PRSS56: variants seen among roughly 807,000 people sequenced by gnomAD.
The protein encoded by PRSS56 is serine protease 56.
PRSS56 carries 55 observed loss-of-function variants against 66.8 expected under a neutral mutation model. The observed-to-expected ratio is 0.82, with a 90% CI of 0.66 to 1.03. The LOEUF (loss-of-function observed/expected upper bound fraction) is 1.03. Among genes scored for constraint, PRSS56 ranks in the 50% least tolerant of loss-of-function variants. The pLI is 0.00. For missense variants in PRSS56, 869 were observed against 837.2 expected, an observed-to-expected ratio of 1.04 and a Z score of -0.47; for synonymous variants, 409 against 387.9, an observed-to-expected ratio of 1.05 and a Z score of -0.64.
Position 232,521,824 on chromosome 2 carries a change from CG to C in PRSS56, c.215del (p.Arg72ProfsTer27). On this transcript the variant is annotated frameshift_variant, in exon 3 of 13. Coordinates refer to ENST00000617714, the MANE Select transcript of PRSS56 (RefSeq NM_001195129.2). LOFTEE classifies it high-confidence loss of function. ...HRSHECRGSG[R>X]PRPQALLQDP... ...GGTCTGTTTCTCTGCAGGATCTGGGCGCCCCAGGCCTCAAGCTCTCCTCCAG... is the reference window on the plus strand; with the variant it reads ...GGTCTGTTTCTCTGCAGGATCTGGGCCCCCAGGCCTCAAGCTCTCCTCCAG... The C allele has an allele frequency of 6.5e-7, 1 of 1,536,008 alleles. No homozygotes were observed. The highest frequency in any genetic ancestry group is 2.0e-5 in the Admixed American group (1 of 51,002).
Position 232,522,060 on chromosome 2 carries a change from T to C in PRSS56, c.346T>C (p.Trp116Arg). The change falls in exon 4 of 13, where the codon TGG (tryptophan) becomes CGG (arginine). Residue 116 changes from tryptophan (W) to arginine (R), a missense_variant. Physicochemically the swap from Trp to Arg is moderately radical, Grantham distance 101 (BLOSUM62 -3). Transcript: ENST00000617714. ...GGGCAGCGCGGCGCCGCCCGGGGCC[T>C]GGCCCTGGCTGGTGAGGCTGCAGCT... is the stretch of plus-strand genomic sequence containing the variant. Reference protein sequence around the residue: ...VGGSAAPPGAWPWLVRLQLGG... With the variant: ...VGGSAAPPGARPWLVRLQLGG... 1 of 1,510,096 alleles carries C rather than the reference T, an allele frequency of 6.6e-7. No homozygotes were observed. The highest frequency in any genetic ancestry group is 1.2e-5 in the South Asian group (1 of 81,354). The allele number at this position is 1,510,096 out of a possible 1,614,324, so 93.5% of individuals were successfully genotyped here. A position where few individuals can be genotyped will look rare whatever the true frequency, so the allele number is the denominator to read the frequency against.
At position 232,523,584 on chromosome 2, in the gene PRSS56, C is replaced by G; in HGVS notation, c.1012+6C>G. 2 of 1,518,354 alleles carry G rather than the reference C, an allele frequency of 1.3e-6. No homozygotes were observed. Among genetic ancestry groups the G allele is most frequent in the Non-Finnish European group, 1.8e-6 (2 of 1,139,266 alleles). The allele number at this position is 1,518,354 out of a possible 1,614,324, so 94.1% of individuals were successfully genotyped here. ...GCTCCAGGAGCAGATGAGCGGTGAG[C>G]GCCCTCTTTCCAATGCCCCGTCCCC... is the stretch of plus-strand genomic sequence containing the variant. On this transcript the variant is annotated splice_donor_region_variant and intron_variant, in intron 8 of 12. Transcript: ENST00000617714.
At chr2:232,523,620 CGGACAACCGTG>C (rs1691334074) in intron 8 of PRSS56, 42 bp downstream of exon 8, 1 of 1,503,522 alleles carries the variant, frequency 6.7e-7, no homozygotes, top group African/African-American at 1.4e-5. Flanking sequence ...AGTGCCCCAA[CGGACAACCGTG>C]GGACAAGCCC....
At position 232,523,539 on chromosome 2, in the gene PRSS56, G is replaced by T; in HGVS notation, c.973G>T (p.Val325Leu). ...AGGGAAGCCCGGGGTCTACACCCGC[G>T]TGGCAGTGTTCAAGGACTGGCTCCA... ...EPGKPGVYTRVAVFKDWLQEQ... is the reference protein window; with the variant it reads ...EPGKPGVYTRLAVFKDWLQEQ... The change falls in exon 8 of 13, where the codon GTG (valine) becomes TTG (leucine). Residue 325 changes from valine (V) to leucine (L), a missense_variant. Around this residue, in one of 3 missense-constraint regions of PRSS56, gnomAD observed 551 missense variants for 506.9 expected, o/e 1.09. Coordinates refer to ENST00000617714, the MANE Select transcript of PRSS56 (RefSeq NM_001195129.2). 6.5e-7 allele frequency: 1 copy of T among 1,532,438 alleles called. No individual in the cohort carries two copies. The highest frequency in any genetic ancestry group is 2.4e-5 in the East Asian group (1 of 40,898). The allele number at this position is 1,532,438 out of a possible 1,614,324, so 94.9% of individuals were successfully genotyped here.
intron 5 of PRSS56, 39 bp downstream of exon 5, chr2:232,522,653 G>C (rs1326016415): frequency 1.3e-6 from 2 of 1,531,742 alleles, no homozygotes; most frequent in East Asian, 4.9e-5. Context: ...GCTGGGCACC[G>C]CACCCCCACC....
At position 232,525,536 on chromosome 2, in the gene PRSS56, G is replaced by A. The variant is rs1446688481; in HGVS notation, c.*30G>A. ...TGTCTGGGCCCCCAGCCCCTGGGGA[G>A]GACCTACTGCTCCCAGGGGCTGAGA... On this transcript the variant is annotated 3_prime_UTR_variant, in exon 13 of 13. Transcript: ENST00000617714. 6 of 1,431,252 alleles carry A rather than the reference G, an allele frequency of 4.2e-6. No individual in the cohort carries two copies. In the South Asian group the frequency reaches 5.8e-5, roughly 14 times the overall value. 88.7% of individuals were successfully genotyped at this position (1,431,252 alleles called of 1,614,324 possible).
At chr2:232,524,416 C>A in intron 11 of PRSS56, 47 bp downstream of exon 11, 1 of 1,513,732 alleles carries the variant, frequency 6.6e-7, no homozygotes, top group East Asian at 2.5e-5. Context: ...GGCTGAGGGC[C>A]TGGACGAGGT....
chr2:232,525,540 C>T lies in PRSS56; in HGVS notation c.*34C>T, dbSNP rs539696668. ...TGGGCCCCCAGCCCCTGGGGAGGACCTACTGCTCCCAGGGGCTGAGAGGGG... is the reference window on the plus strand; with the variant it reads ...TGGGCCCCCAGCCCCTGGGGAGGACTTACTGCTCCCAGGGGCTGAGAGGGG... On this transcript the variant is annotated 3_prime_UTR_variant, in exon 13 of 13. Transcript: ENST00000617714. 24 of 1,351,908 alleles carry T rather than the reference C, an allele frequency of 1.8e-5. No homozygotes were observed. The Admixed American group carries it at 2.7e-4, about 15-fold the overall frequency. 83.7% of individuals were successfully genotyped at this position (1,351,908 alleles called of 1,614,324 possible). A position where few individuals can be genotyped will look rare whatever the true frequency, so the allele number is the denominator to read the frequency against.
chr2:232,522,221 C>A (rs557610373), intron 4 of PRSS56, 61 bp downstream of exon 4: 1 of 1,340,276 alleles, frequency 7.5e-7, no homozygotes, highest in African/African-American at 1.5e-5. Context: ...CCGCACCTGC[C>A]GGGTTGTCCG....
Position 232,522,502 on chromosome 2 carries a change from G to T in PRSS56, c.447-13G>T. On this transcript the variant is annotated splice_polypyrimidine_tract_variant and intron_variant, in intron 4 of 12. Coordinates refer to ENST00000617714, the MANE Select transcript of PRSS56 (RefSeq NM_001195129.2). ...CTGTCCTTCCTGCGTCTCAGCTGCC[G>T]CTCGACCCGCAGCGCCCCGAATGAG... 6.6e-7 allele frequency: 1 copy of T among 1,525,078 alleles called. No individual in the cohort carries two copies. The highest frequency in any genetic ancestry group is 8.8e-7 in the Non-Finnish European group (1 of 1,140,678). 94.5% of individuals were successfully genotyped at this position (1,525,078 alleles called of 1,614,324 possible).
In PRSS56 at chr2:232,520,393, C is replaced by T; in HGVS notation, c.-206C>T. ...CTGCAGCCCCATTCCCCTGTGGGCTCCTAGGAGTTAAGGGCCAGGTGAGGG... is the reference window on the plus strand; with the variant it reads ...CTGCAGCCCCATTCCCCTGTGGGCTTCTAGGAGTTAAGGGCCAGGTGAGGG... On this transcript the variant is annotated 5_prime_UTR_variant, in exon 1 of 13. Transcript: ENST00000617714. 1 of 616,582 alleles carries T rather than the reference C, an allele frequency of 1.6e-6. No homozygotes were observed. Among genetic ancestry groups the T allele is most frequent in the Non-Finnish European group, 2.9e-6 (1 of 340,248 alleles). The allele number at this position is 616,582 out of a possible 1,614,324, so 38.2% of individuals were successfully genotyped here. A position where few individuals can be genotyped will look rare whatever the true frequency, so the allele number is the denominator to read the frequency against.
rs1574621880 is a variant in PRSS56 at position 232,521,553 on chromosome 2, C to A, written c.205+125C>A. On this transcript the variant is annotated intron_variant, in intron 2 of 12. Transcript: ENST00000617714. Reference sequence around the variant, plus strand: ...GGGCAGAGACTGTGTTGGGCCGCAACCTAGACTACGTTTGTGAAGGTCTGT... The same window carrying A: ...GGGCAGAGACTGTGTTGGGCCGCAAACTAGACTACGTTTGTGAAGGTCTGT... 7.0e-6 allele frequency: 6 copies of A among 852,006 alleles called. No individual in the cohort carries two copies. The East Asian group carries it at 1.6e-4, about 23-fold the overall frequency. The allele number at this position is 852,006 out of a possible 1,614,324, so 52.8% of individuals were successfully genotyped here.
chr2:232,524,912 T>A (rs534159200), intron 12 of PRSS56, 68 bp downstream of exon 12: 8 of 1,289,530 alleles, frequency 6.2e-6, no homozygotes, highest in Non-Finnish European at 8.6e-6. Context: ...CCAGGGAAGA[T>A]GCAGAGGGCC....
chr2:232,522,383 C>A (rs1691300789), intron 4 of PRSS56, 132 bp from the exon 5 acceptor site: 6 of 913,390 alleles, frequency 6.6e-6, no homozygotes, highest in Admixed American at 3.3e-5. Context: ...TGGGACGGGA[C>A]CCCTCCCCGG....
Position 232,525,368 on chromosome 2 carries a change from C to T in PRSS56, c.1674C>T (p.Ala558=), listed in dbSNP as rs777562176. The T allele has an allele frequency of 5.2e-6, 8 of 1,533,336 alleles. No individual in the cohort carries two copies. The South Asian group carries it at 9.5e-5, about 18-fold the overall frequency. The allele number at this position is 1,533,336 out of a possible 1,614,324, so 95.0% of individuals were successfully genotyped here. A position where few individuals can be genotyped will look rare whatever the true frequency, so the allele number is the denominator to read the frequency against. The change falls in exon 13 of 13, where the codon GCC becomes GCT. Residue 558 remains alanine, a synonymous_variant. Transcript: ENST00000617714. ...GCCTCCCCCGGCTGCTGGTGCAGGC[C>T]CTGCAGGCCTTCCGCGTGGCTGCCC... ...ARSLPRLLVQ[A]LQAFRVAALA... is the part of the protein sequence containing the mutation.
Position 232,520,421 on chromosome 2 carries a change from G to A in PRSS56, c.-178G>A. ...AGGAGTTAAGGGCCAGGTGAGGGCT[G>A]ACCAGGGAGGCGGGTAATTTTGATG... On this transcript the variant is annotated 5_prime_UTR_variant, in exon 1 of 13. Transcript: ENST00000617714. 3 of 649,216 alleles carry A rather than the reference G, an allele frequency of 4.6e-6. No individual in the cohort carries two copies. Among genetic ancestry groups the A allele is most frequent in the Admixed American group, 2.1e-5 (1 of 46,926 alleles). 40.2% of individuals were successfully genotyped at this position (649,216 alleles called of 1,614,324 possible). A position where few individuals can be genotyped will look rare whatever the true frequency, so the allele number is the denominator to read the frequency against.
At position 232,524,832 on chromosome 2, in the gene PRSS56, G is replaced by A. The variant is rs1363565235; in HGVS notation, c.1509G>A (p.Met503Ile). The A allele has an allele frequency of 2.6e-6, 4 of 1,535,062 alleles. No individual in the cohort carries two copies. Among genetic ancestry groups the A allele is most frequent in the Non-Finnish European group, 3.5e-6 (4 of 1,146,154 alleles). The change falls in exon 12 of 13, where the codon ATG becomes ATA. Residue 503 changes from methionine to isoleucine, a missense_variant. Met to Ile is a conservative substitution (Grantham distance 10). This residue lies in a region of PRSS56 where 551 missense variants were observed against 506.9 expected (regional missense o/e 1.09). Transcript: ENST00000617714. ...ILQVPSEHLA[M>I]NFHEVLADLG... ...AGGTCCCCTCGGAGCACCTGGCCAT[G>A]AACTTTCATGAGGTAGGTCCCCAGG...
rs1329033208 is a variant in PRSS56 at position 232,521,404 on chromosome 2, C to T, written c.181C>T (p.Gln61Ter). 1 of 1,536,032 alleles carries T rather than the reference C, an allele frequency of 6.5e-7. No individual in the cohort carries two copies. Among genetic ancestry groups the T allele is most frequent in the African/African-American group, 1.4e-5 (1 of 73,056 alleles). Residue 61 changes from glutamine (Q) to a stop codon, truncating the protein, a stop_gained, in exon 2 of 13, where the codon CAG (glutamine) becomes TAG (stop). Transcript: ENST00000617714. LOFTEE classifies it high-confidence loss of function. ...AATAAACCGAGTGGCGATGGAGATC[C>T]AGCACAGATCGCACGAGTGCCGAGG... ...WAINRVAMEI[Q>*]HRSHECRGSG...
At position 232,521,862 on chromosome 2, in the gene PRSS56, G is replaced by C; in HGVS notation, c.252G>C (p.Glu84Asp). The change falls in exon 3 of 13, where the codon GAG becomes GAC. Residue 84 changes from glutamate (E) to aspartate (D), a missense_variant. Glu to Asp is a conservative substitution (Grantham distance 45). Coordinates refer to ENST00000617714, the MANE Select transcript of PRSS56 (RefSeq NM_001195129.2). ...RPQALLQDPP[E>D]PGPCGERRPS... is the part of the protein sequence containing the mutation. ...AAGCTCTCCTCCAGGACCCACCTGA[G>C]CCAGGTGAGGTTGAAAAGGCTCGAG... 3 of 1,535,880 alleles carry C rather than the reference G, an allele frequency of 2.0e-6. No homozygotes were observed. Among genetic ancestry groups the C allele is most frequent in the Non-Finnish European group, 2.6e-6 (3 of 1,146,710 alleles).
Sources: gnomAD v4.1 joint callset for allele counts on GRCh38, gnomAD v4.1.1 for gene constraint, gnomAD v4.1.1 regional missense constraint, MANE v1.5 for transcripts, NCBI Gene and HGNC (gene_info 2026-07-23, HGNC 2026-07-21) for gene names.